PTP4A3: variants seen among roughly 807,000 people sequenced by gnomAD.
PTP4A3 encodes protein tyrosine phosphatase type IVA 3.
Under a neutral mutation model 15.2 loss-of-function variants are expected in PTP4A3, and 9 were observed. The ratio of observed to expected loss-of-function variants is 0.59; its 90% CI spans 0.36 to 1.03. The LOEUF (loss-of-function observed/expected upper bound fraction) is 1.03. Among genes scored for constraint, PTP4A3 ranks in the 50% least tolerant of loss-of-function variants. The probability of loss-of-function intolerance (pLI) is 0.02; values close to 1 mark genes in which losing one functional copy is unlikely to be tolerated. For missense variants in PTP4A3, 234 were observed against 252.1 expected (o/e 0.93, Z 0.49); for synonymous variants, 95 against 102.0 (o/e 0.93, Z 0.41).
At chr8:141,395,224 C>T (rs1320871916) in intron 1 of PTP4A3, among the ~76,000 whole-genome samples, 3 of 152,228 alleles carry the variant, frequency 2.0e-5, no homozygotes, top group Admixed American at 6.5e-5. Context: ...CGTGTCTCCC[C>T]TCCTTGGGGC....
chr8:141,410,652 C>G (rs1181427608), intron 1 of PTP4A3, among the ~76,000 whole-genome samples: 1 of 152,174 alleles, frequency 6.6e-6, no homozygotes, highest in East Asian at 1.9e-4. Flanking sequence ...CGAACCCATC[C>G]TACAGACGAG....
chr8:141,413,494 C>G (rs997412081), intron 1 of PTP4A3, among the ~76,000 whole-genome samples: 6 of 152,244 alleles, frequency 3.9e-5, no homozygotes, highest in African/African-American at 1.4e-4. Flanking sequence ...CGCACAATTT[C>G]CGACCCAACA....
At chr8:141,396,573 A>T (rs978957782) in intron 1 of PTP4A3, among the ~76,000 whole-genome samples, 4 of 152,148 alleles carry the variant, frequency 2.6e-5, no homozygotes, top group African/African-American at 7.2e-5. Flanking sequence ...GGAACAGGAC[A>T]GTCCCGAGCC....
intron 1 of PTP4A3, among the ~76,000 whole-genome samples, chr8:141,413,650 C>T (rs949325796): frequency 6.6e-6 from 1 of 152,210 alleles, no homozygotes; most frequent in Non-Finnish European, 1.5e-5. Context: ...GGTGGGGCCA[C>T]GTGTGCGCAT....
chr8:141,404,929 G>A (rs1344518226), intron 1 of PTP4A3, among the ~76,000 whole-genome samples: 2 of 152,208 alleles, frequency 1.3e-5, no homozygotes, highest in Non-Finnish European at 2.9e-5. Context: ...GCACTCATTG[G>A]GCACTGACTG....
At chr8:141,397,622 C>T (rs529797020) in intron 1 of PTP4A3, among the ~76,000 whole-genome samples, 15 of 152,186 alleles carry the variant, frequency 9.9e-5, no homozygotes, top group South Asian at 2.1e-4. Context: ...GGTGGCGGGG[C>T]GGGTATTGGT....
Position 141,431,190 on chromosome 8 carries a change from G to A in PTP4A3, c.*146G>A, listed in dbSNP as rs374927842. 6 of 730,528 alleles carry A rather than the reference G, an allele frequency of 8.2e-6. No homozygotes were observed. The highest frequency in any genetic ancestry group is 1.8e-5 in the South Asian group (1 of 57,140). 45.3% of individuals were successfully genotyped at this position (730,528 alleles called of 1,614,324 possible). On this transcript the variant is annotated 3_prime_UTR_variant, in exon 6 of 6. Transcript: ENST00000521578. ...TCGCCTTTTCCTCCCCGACACCTCC[G>A]TGCACTTGTGTCCGAGGAGCGAGGA...
At chr8:141,408,924 G>T (rs1832798521) in intron 1 of PTP4A3, among the ~76,000 whole-genome samples, 1 of 152,238 alleles carries the variant, frequency 6.6e-6, no homozygotes, top group Non-Finnish European at 1.5e-5. Context: ...CCTTGCCACT[G>T]GGGAGTTGAG....
Position 141,425,196 on chromosome 8 carries a change from C to CGGCCCCCGGGGGGGGGGGGGGGGG in PTP4A3, c.198+58_198+59insCCCCCGGGGGGGGGGGGGGGGGGG. On this transcript the variant is annotated intron_variant, in intron 3 of 5. Coordinates refer to ENST00000521578, the MANE Select transcript of PTP4A3 (RefSeq NM_032611.3). The surrounding 1 kb of genome is among the most constrained non-coding windows in gnomAD (Gnocchi z 4.2). ...CTGCTGCCACCGGGGGAGGGTGGGG[C>CGGCCCCCGGGGGGGGGGGGGGGGG]GGGGGGCTCCGGGCCTGCGCAGAGG... 1 of 361,486 alleles carries CGGCCCCCGGGGGGGGGGGGGGGGG rather than the reference C, an allele frequency of 2.8e-6. No individual in the cohort carries two copies. Among genetic ancestry groups the CGGCCCCCGGGGGGGGGGGGGGGGG allele is most frequent in the East Asian group, 6.7e-5 (1 of 14,872 alleles). 22.4% of individuals were successfully genotyped at this position (361,486 alleles called of 1,614,324 possible).
intron 1 of PTP4A3, among the ~76,000 whole-genome samples, chr8:141,412,218 C>T (rs1024901543): frequency 1.8e-4 from 27 of 152,196 alleles, no homozygotes; most frequent in African/African-American, 6.5e-4. Flanking sequence ...CTGTCCAGGG[C>T]GTCTGGGTAT....
intron 1 of PTP4A3, among the ~76,000 whole-genome samples, chr8:141,394,249 T>A (rs940455939): frequency 6.6e-6 from 1 of 152,030 alleles, no homozygotes; most frequent in African/African-American, 2.4e-5. Flanking sequence ...CCAGGTGGCA[T>A]TTGGCCAGAG....
chr8:141,426,867 C>G (rs1211321285), intron 3 of PTP4A3, 72 bp from the exon 4 acceptor site: 1 of 1,549,978 alleles, frequency 6.5e-7, no homozygotes, highest in African/African-American at 1.4e-5. Flanking sequence ...GCTCCCTTTC[C>G]TCGCCTGAGC....
chr8:141,429,502 G>A (rs987934257), intron 5 of PTP4A3, among the ~76,000 whole-genome samples: 2 of 151,980 alleles, frequency 1.3e-5, no homozygotes, highest in African/African-American at 4.8e-5. Context: ...GGCAGGGTGA[G>A]CACATAGCCC....
intron 1 of PTP4A3, among the ~76,000 whole-genome samples, chr8:141,420,267 T>C (rs1011575252): frequency 6.6e-6 from 1 of 152,100 alleles, no homozygotes; most frequent in African/African-American, 2.4e-5. Flanking sequence ...GAGAGTCTGC[T>C]AACAGCTGGG....
intron 1 of PTP4A3, among the ~76,000 whole-genome samples, chr8:141,398,550 G>A (rs1479140677): frequency 6.6e-6 from 1 of 152,268 alleles, no homozygotes; most frequent in East Asian, 1.9e-4. Context: ...CCTGGGGTGG[G>A]GTCCTGGAAA....
intron 1 of PTP4A3, among the ~76,000 whole-genome samples, chr8:141,415,633 G>A (rs1025653336): frequency 3.2e-5 from 3 of 92,500 alleles, no homozygotes; most frequent in African/African-American, 1.2e-4. Flanking sequence ...GCGGGGGGCA[G>A]GGGGCGGGGC....
chr8:141,392,801 C>T (rs1832327362), intron 1 of PTP4A3, among the ~76,000 whole-genome samples: 1 of 152,212 alleles, frequency 6.6e-6, no homozygotes, highest in Non-Finnish European at 1.5e-5. Context: ...TGCCGGTTCC[C>T]GGAGGGAAGC....
intron 1 of PTP4A3, among the ~76,000 whole-genome samples, chr8:141,417,464 G>T (rs1408110950): frequency 6.6e-6 from 1 of 152,104 alleles, no homozygotes; most frequent in South Asian, 2.1e-4. Context: ...TCAGGGTGCA[G>T]GACAGCACCT....
At chr8:141,392,778 A>G (rs1033865300) in intron 1 of PTP4A3, among the ~76,000 whole-genome samples, 1 of 152,150 alleles carries the variant, frequency 6.6e-6, no homozygotes, top group African/African-American at 2.4e-5. Flanking sequence ...AAGTGGGCAG[A>G]GCAGTTTCAC....
Sources: allele counts gnomAD v4.1 joint callset (sites outside exome capture counted in the v4.1 genomes callset), GRCh38; gene constraint gnomAD v4.1.1; non-coding constraint Gnocchi (gnomAD v3.1); transcripts MANE v1.5; gene names NCBI Gene and HGNC (gene_info 2026-07-23, HGNC 2026-07-21).